SCAI: variants seen among roughly 807,000 people sequenced by gnomAD.
SCAI encodes the protein suppressor of cancer cell invasion.
Under a neutral mutation model 92.2 loss-of-function variants are expected in SCAI, and 24 were observed. The ratio of observed to expected loss-of-function variants is 0.26; its 90% CI spans 0.19 to 0.37. The LOEUF is 0.37. Among genes scored for constraint, SCAI ranks in the 10% least tolerant of loss-of-function variants. The pLI is 1.00. For missense variants in SCAI, 450 were observed against 736.2 expected (o/e 0.61, Z 4.50); for synonymous variants, 261 against 258.6 (o/e 1.01, Z -0.09).
intron 2 of SCAI, among the ~76,000 whole-genome samples, chr9:125,071,152 TTA>T (rs1353133920): frequency 1.3e-5 from 2 of 152,194 alleles, no homozygotes; most frequent in African/African-American, 4.8e-5. Context: ...TTCTTTTCCT[TTA>T]TATCACCCAG....
intron 2 of SCAI, among the ~76,000 whole-genome samples, chr9:125,070,515 T>A (rs1833961705): frequency 1.3e-5 from 2 of 150,492 alleles, no homozygotes; most frequent in South Asian, 4.2e-4. Context: ...TTCTCCTGCC[T>A]CAGCCTCCGA....
intron 17 of SCAI, among the ~76,000 whole-genome samples, chr9:124,953,979 G>T (rs1258786773): frequency 2.0e-5 from 3 of 152,156 alleles, no homozygotes; most frequent in African/African-American, 7.2e-5. Context: ...CTCCCAAGAA[G>T]CTGGCACCAC....
chr9:125,102,400 T>C (rs2131214945), intron 2 of SCAI, among the ~76,000 whole-genome samples: 1 of 152,196 alleles, frequency 6.6e-6, no homozygotes, highest in South Asian at 2.1e-4. Flanking sequence ...CTGCAGCCTC[T>C]ATCTTACTTA....
intron 2 of SCAI, among the ~76,000 whole-genome samples, chr9:125,110,891 A>G (rs1834916077): frequency 6.6e-6 from 1 of 152,198 alleles, no homozygotes; most frequent in Admixed American, 6.5e-5. Flanking sequence ...AGGCCTCCCC[A>G]GAAGCAGATG....
At chr9:125,060,324 A>G (rs1237762628) in intron 2 of SCAI, among the ~76,000 whole-genome samples, 2 of 152,056 alleles carry the variant, frequency 1.3e-5, no homozygotes, top group Admixed American at 1.3e-4. Context: ...ATATGGCCAC[A>G]TAAAGATGGC....
rs181339730 is a variant in SCAI, at chr9:124,968,292, C to T, written c.1674+3078G>A. 6.0e-5 allele frequency: 70 copies of T among 1,170,694 alleles called. No homozygotes were observed. The African/African-American group carries it at 9.6e-4, about 16-fold the overall frequency. The allele number at this position is 1,170,694 out of a possible 1,614,324, so 72.5% of individuals were successfully genotyped here. The stretch of plus-strand genomic sequence containing the variant: ...TTAATATCCTTAAAACCGGGCTGGG[C>T]ATCAAGCGTCTTCTCCAGAATAGGC... On this transcript the variant is annotated intron_variant, in intron 17 of 17. Coordinates refer to ENST00000336505, the MANE Select transcript of SCAI (RefSeq NM_001144877.3).
chr9:124,977,790 G>A (rs1831791561), intron 14 of SCAI, among the ~76,000 whole-genome samples: 1 of 152,178 alleles, frequency 6.6e-6, no homozygotes, highest in Admixed American at 6.5e-5. Context: ...TCCAGAATTA[G>A]ACTCCAAAAC....
intron 2 of SCAI, among the ~76,000 whole-genome samples, chr9:125,069,982 G>C (rs1833948978): frequency 6.6e-6 from 1 of 152,046 alleles, no homozygotes; most frequent in South Asian, 2.1e-4. Context: ...TTAAGCATGA[G>C]CATAAAATAC....
At chr9:124,966,148 T>C (rs1831535185) in intron 17 of SCAI, among the ~76,000 whole-genome samples, 1 of 152,120 alleles carries the variant, frequency 6.6e-6, no homozygotes, top group Non-Finnish European at 1.5e-5. Context: ...TACATATGTA[T>C]ACATGTGCCA....
chr9:124,975,249 T>C, intron 15 of SCAI: 1 of 445,826 alleles, frequency 2.2e-6, no homozygotes. Context: ...GAACTTACCT[T>C]AAAACAACGG....
chr9:125,062,392 C>G (rs957053451), intron 2 of SCAI, among the ~76,000 whole-genome samples: 3 of 149,330 alleles, frequency 2.0e-5, no homozygotes, highest in African/African-American at 7.4e-5. Context: ...TCCCAAAGTG[C>G]TAGATTTACA....
chr9:124,971,688 G>C lies in SCAI; in HGVS notation c.1556C>G (p.Thr519Ser), dbSNP rs778179352. ...KINRDIAQLL[T>S]HSRSIDQAFL... ...GAGGGTACCTATTGAACGTGAATGA[G>C]TCAGTAGCTGGGCAATATCACGGTT... The change falls in exon 16 of 18, where the codon ACT becomes AGT. Residue 519 changes from threonine (T) to serine (S), a missense_variant. Coordinates refer to ENST00000336505, the MANE Select transcript of SCAI (RefSeq NM_001144877.3). 1.5e-5 allele frequency: 24 copies of C among 1,607,478 alleles called. No homozygotes were observed. The highest frequency in any genetic ancestry group is 2.0e-5 in the Non-Finnish European group (23 of 1,177,770).
chr9:125,086,918 A>G (rs1397092156), intron 2 of SCAI, among the ~76,000 whole-genome samples: 3 of 152,240 alleles, frequency 2.0e-5, no homozygotes, highest in Admixed American at 1.3e-4. Flanking sequence ...GAATGTATGT[A>G]AAGTGTTTAG....
chr9:125,120,745 A>G (rs889167016), intron 2 of SCAI, among the ~76,000 whole-genome samples: 4 of 151,794 alleles, frequency 2.6e-5, no homozygotes, highest in African/African-American at 9.7e-5. Context: ...ATGGTGGCAT[A>G]CGCCTGTAGT....
chr9:125,063,188 T>A (rs1833809715), intron 2 of SCAI, among the ~76,000 whole-genome samples: 5 of 149,854 alleles, frequency 3.3e-5, no homozygotes, highest in Admixed American at 3.3e-4. Flanking sequence ...GGTGGGCGGA[T>A]CACTTGGATT....
chr9:125,049,957 A>G (rs1408818241), intron 3 of SCAI, among the ~76,000 whole-genome samples: 2 of 152,178 alleles, frequency 1.3e-5, no homozygotes, highest in African/African-American at 4.8e-5. Flanking sequence ...TCTTAAAAAC[A>G]CACTTACAGC....
intron 15 of SCAI, among the ~76,000 whole-genome samples, chr9:124,975,035 A>G (rs1158156553): frequency 6.6e-6 from 1 of 152,230 alleles, no homozygotes; most frequent in Non-Finnish European, 1.5e-5. Context: ...AAACTACATA[A>G]TGATAGGACA....
intron 17 of SCAI, among the ~76,000 whole-genome samples, chr9:124,961,025 G>C (rs1386842789): frequency 2.0e-5 from 3 of 151,638 alleles, no homozygotes; most frequent in Non-Finnish European, 4.4e-5. Context: ...CAGGAGGCTA[G>C]AAGCAGGAGG....
intron 2 of SCAI, among the ~76,000 whole-genome samples, chr9:125,066,260 T>A (rs1352928172): frequency 5.3e-5 from 8 of 151,738 alleles, no homozygotes; most frequent in Non-Finnish European, 8.8e-5. Context: ...AAAGAAAAAA[T>A]TTTTAAATCA....
Sources: gnomAD v4.1 joint callset for allele counts (sites outside exome capture counted in the v4.1 genomes callset) on GRCh38, gnomAD v4.1.1 for gene constraint, MANE v1.5 for transcripts, NCBI Gene and HGNC (gene_info 2026-07-23, HGNC 2026-07-21) for gene names.